CDYL: variants seen among roughly 807,000 people sequenced by gnomAD.
CDYL encodes chromodomain Y-like protein.
A neutral mutation model predicts 47.3 loss-of-function variants in CDYL; 8 were observed. The ratio of observed to expected loss-of-function variants is 0.17; its 90% CI spans 0.10 to 0.31. CDYL has a LOEUF of 0.31. Ranked by LOEUF, CDYL falls within the 10% of genes least tolerant of loss-of-function variation. The probability of loss-of-function intolerance (pLI) is 1.00; values close to 1 mark genes in which losing one functional copy is unlikely to be tolerated. For synonymous variants in CDYL, 266 were observed against 265.0 expected, an observed-to-expected ratio of 1.00 and a Z score of -0.04; for missense variants, 471 against 701.4, an observed-to-expected ratio of 0.67 and a Z score of 3.71.
intron 2 of CDYL, among the ~76,000 whole-genome samples, chr6:4,922,007 T>C (rs1007013263): frequency 6.6e-6 from 1 of 152,166 alleles, no homozygotes; most frequent in Non-Finnish European, 1.5e-5. Flanking sequence ...GTAGGTACCG[T>C]TCCTGCCTCT....
In CDYL at chr6:4,943,770, T is replaced by TGA; in HGVS notation, c.1332+14_1332+15insGA. On this transcript the variant is annotated intron_variant, in intron 5 of 6. Transcript: ENST00000397588. ...GGAGGAGCATCTGTGAGTACCTTTTTAAAAAAAAAAAAAAAAAGTCATTCT... is the reference window on the plus strand; with the variant it reads ...GGAGGAGCATCTGTGAGTACCTTTTTGAAAAAAAAAAAAAAAAAAGTCATTCT... The TGA allele has an allele frequency of 8.5e-7, 1 of 1,172,860 alleles. No individual in the cohort carries two copies. The highest frequency in any genetic ancestry group is 1.2e-6 in the Non-Finnish European group (1 of 843,312). 72.7% of individuals were successfully genotyped at this position (1,172,860 alleles called of 1,614,324 possible). A position where few individuals can be genotyped will look rare whatever the true frequency, so the allele number is the denominator to read the frequency against.
chr6:4,930,505 G>A (rs1014320176), intron 2 of CDYL, among the ~76,000 whole-genome samples: 27 of 152,348 alleles, frequency 1.8e-4, no homozygotes, highest in African/African-American at 6.3e-4. Flanking sequence ...GGCTCACCAT[G>A]TTTGTCTCCT....
In CDYL at chr6:4,954,106, A is replaced by G. The variant is rs1325270636; in HGVS notation, c.*50A>G. 3 of 1,565,832 alleles carry G rather than the reference A, an allele frequency of 1.9e-6. No homozygotes were observed. The African/African-American group carries it at 4.0e-5, about 21-fold the overall frequency. On this transcript the variant is annotated 3_prime_UTR_variant, in exon 7 of 7. Coordinates refer to ENST00000397588, the MANE Select transcript of CDYL (RefSeq NM_004824.4). ...CCGGGATCGGGCTGAGCAGGAGAAC[A>G]TCACCGGCTCCAGTTCCCCTGATCC...
intron 1 of CDYL, among the ~76,000 whole-genome samples, chr6:4,807,981 A>G (rs893452415): frequency 6.6e-6 from 1 of 151,982 alleles, no homozygotes; most frequent in African/African-American, 2.4e-5. Flanking sequence ...TCTGTTACTC[A>G]GATTGTCGTA....
chr6:4,722,839 C>G (rs11242974), intron 2 of CDYL, among the ~76,000 whole-genome samples: 1 of 152,044 alleles, frequency 6.6e-6, no homozygotes, highest in South Asian at 2.1e-4. Context: ...ATCGTGCCAC[C>G]GTACTCCAGC....
At chr6:4,765,970 A>G (rs1203834847) in intron 3 of CDYL, among the ~76,000 whole-genome samples, 1 of 152,192 alleles carries the variant, frequency 6.6e-6, no homozygotes, top group African/African-American at 2.4e-5. Context: ...CAAAGAACCA[A>G]AAAAGCTCAA....
intron 1 of CDYL, among the ~76,000 whole-genome samples, chr6:4,850,261 A>G (rs1404298368): frequency 6.6e-6 from 1 of 152,208 alleles, no homozygotes; most frequent in Non-Finnish European, 1.5e-5. Context: ...ATATAGCTAG[A>G]TTTTAGATAC....
In CDYL at chr6:4,943,579, G is replaced by A; in HGVS notation, c.1155G>A (p.Lys385=). The change falls in exon 5 of 7, where the codon AAG becomes AAA. Residue 385 remains lysine (K), a synonymous_variant. Coordinates refer to ENST00000397588, the MANE Select transcript of CDYL (RefSeq NM_004824.4). ...TGAATACTTTCATTCAATTTAAGAA[G>A]CCCATTATTGTAGCAGTCAATGGCC... ...NFVNTFIQFK[K]PIIVAVNGPA... is the part of the protein sequence containing the mutation. The A allele has an allele frequency of 1.2e-6, 2 of 1,608,908 alleles. No homozygotes were observed. The highest frequency in any genetic ancestry group is 1.7e-6 in the Non-Finnish European group (2 of 1,176,572).
intron 1 of CDYL, among the ~76,000 whole-genome samples, chr6:4,832,145 T>C (rs960637363): frequency 3.9e-5 from 6 of 152,100 alleles, no homozygotes; most frequent in African/African-American, 1.4e-4. Flanking sequence ...GGCATCCCTG[T>C]CTTGTGCCAG....
chr6:4,892,447 C>A, intron 2 of CDYL, 68 bp downstream of exon 2: 1 of 1,489,730 alleles, frequency 6.7e-7, no homozygotes, highest in Non-Finnish European at 9.0e-7. Flanking sequence ...CTCTAGAGAT[C>A]AGGCCTTGAG....
At chr6:4,779,945 TACA>T (rs1471051856) in intron 1 of CDYL, among the ~76,000 whole-genome samples, 4 of 152,218 alleles carry the variant, frequency 2.6e-5, no homozygotes, top group Non-Finnish European at 1.5e-5. Flanking sequence ...TGTCATGAAA[TACA>T]CATTTGTGTT....
chr6:4,831,588 T>C (rs1394577822), intron 1 of CDYL, among the ~76,000 whole-genome samples: 1 of 152,100 alleles, frequency 6.6e-6, no homozygotes, highest in Non-Finnish European at 1.5e-5. Context: ...ATATGAACTT[T>C]AAAGTAGTTT....
chr6:4,923,227 C>A (rs1373723620), intron 2 of CDYL, among the ~76,000 whole-genome samples: 1 of 152,148 alleles, frequency 6.6e-6, no homozygotes, highest in Non-Finnish European at 1.5e-5. Flanking sequence ...TCTTCTCCCC[C>A]CACCCACTAC....
intron 3 of CDYL, among the ~76,000 whole-genome samples, chr6:4,747,301 C>A (rs1361130100): frequency 4.9e-5 from 3 of 61,538 alleles, no homozygotes; most frequent in Admixed American, 4.5e-4. Flanking sequence ...AGCATGACTT[C>A]ATCTCAAAAA....
chr6:4,947,396 T>A (rs1703756000), intron 5 of CDYL, among the ~76,000 whole-genome samples: 1 of 152,122 alleles, frequency 6.6e-6, no homozygotes, highest in African/African-American at 2.4e-5. Context: ...CAGACCCTCC[T>A]CCAGTGGCTG....
chr6:4,860,186 C>G (rs983419228), intron 1 of CDYL, among the ~76,000 whole-genome samples: 1 of 152,128 alleles, frequency 6.6e-6, no homozygotes, highest in African/African-American at 2.4e-5. Flanking sequence ...CAGACGTGAG[C>G]CACCACGCCC....
intron 1 of CDYL, among the ~76,000 whole-genome samples, chr6:4,849,080 T>C (rs1429763399): frequency 6.6e-6 from 1 of 152,246 alleles, no homozygotes; most frequent in African/African-American, 2.4e-5. Context: ...GGTTTAATCA[T>C]ATTTAGCTTA....
chr6:4,909,662 C>T (rs75680410), intron 2 of CDYL, among the ~76,000 whole-genome samples: 5,110 of 152,186 alleles, frequency 0.034, 96 homozygotes, highest in Middle Eastern at 0.082. Context: ...CTCCGCCTCC[C>T]GTCTTCATGC....
intron 1 of CDYL, among the ~76,000 whole-genome samples, chr6:4,810,518 T>C (rs1759498146): frequency 6.6e-6 from 1 of 152,242 alleles, no homozygotes; most frequent in South Asian, 2.1e-4. Flanking sequence ...ATATATTTCA[T>C]GAATCCATTT....
Sources: allele counts gnomAD v4.1 joint callset (sites outside exome capture counted in the v4.1 genomes callset), GRCh38; gene constraint gnomAD v4.1.1; transcripts MANE v1.5; gene names NCBI Gene and HGNC (gene_info 2026-07-23, HGNC 2026-07-21).